MTAP: variants seen among roughly 807,000 people sequenced by gnomAD.
The protein encoded by MTAP is S-methyl-5'-thioadenosine phosphorylase.
MTAP carries 33 observed loss-of-function variants against 33.6 expected under a neutral mutation model. The ratio of observed to expected loss-of-function variants is 0.98; its 90% CI spans 0.74 to 1.31. The LOEUF (loss-of-function observed/expected upper bound fraction) is 1.31. MTAP is among the 40% of genes most tolerant of loss of function. The pLI, the probability that MTAP is intolerant of heterozygous loss-of-function variation, is 0.00. For missense variants in MTAP, 367 were observed against 360.0 expected, an observed-to-expected ratio of 1.02 and a Z score of -0.16; for synonymous variants, 148 against 125.7, an observed-to-expected ratio of 1.18 and a Z score of -1.19.
intron 4 of MTAP, among the ~76,000 whole-genome samples, chr9:21,831,996 T>G (rs1824979000): frequency 6.6e-6 from 1 of 152,240 alleles, no homozygotes; most frequent in Non-Finnish European, 1.5e-5. Context: ...AATTCTTTCC[T>G]GGCTGTGCCG....
intron 1 of MTAP, among the ~76,000 whole-genome samples, chr9:21,889,613 C>T (rs1047411445): frequency 1.6e-4 from 24 of 152,168 alleles, no homozygotes; most frequent in African/African-American, 4.3e-4. Context: ...CCCCACTTCC[C>T]CTAGGGATGG....
chr9:21,840,965 G>C (rs555501438), intron 5 of MTAP, among the ~76,000 whole-genome samples: 25 of 152,264 alleles, frequency 1.6e-4, no homozygotes, highest in African/African-American at 6.0e-4. Context: ...GCCTCTTGCT[G>C]CTGGCTCTCC....
At chr9:21,914,288 T>C (rs906803239) in intron 1 of MTAP, among the ~76,000 whole-genome samples, 2 of 152,128 alleles carry the variant, frequency 1.3e-5, no homozygotes, top group Admixed American at 6.5e-5. Flanking sequence ...TGGGTATATA[T>C]CCAAAGGATT....
intron 1 of MTAP, among the ~76,000 whole-genome samples, chr9:21,908,863 C>T (rs906892954): frequency 6.6e-6 from 1 of 151,806 alleles, no homozygotes; most frequent in Non-Finnish European, 1.5e-5. Context: ...TCTATTGTGT[C>T]ATTATTTTGA....
At chr9:21,918,623 A>G (rs527523362) in intron 1 of MTAP, among the ~76,000 whole-genome samples, 3 of 152,286 alleles carry the variant, frequency 2.0e-5, no homozygotes, top group South Asian at 4.1e-4. Context: ...TTTAGCCCCA[A>G]TAATCCCCAC....
intron 3 of MTAP, among the ~76,000 whole-genome samples, chr9:21,817,126 T>C (rs915793284): frequency 1.3e-5 from 2 of 152,202 alleles, no homozygotes; most frequent in African/African-American, 4.8e-5. Context: ...AGTAGTTATA[T>C]GTCTGTGGGA....
downstream of MTAP, chr9:21,941,002 A>T (rs1396112321): frequency 3.9e-5 from 38 of 985,166 alleles, no homozygotes; most frequent in Non-Finnish European, 4.3e-5. Flanking sequence ...TGGAGCAAAG[A>T]CCAAACATAT....
At chr9:21,875,628 G>T (rs1408589419) in intron 1 of MTAP, among the ~76,000 whole-genome samples, 4 of 152,052 alleles carry the variant, frequency 2.6e-5, no homozygotes, top group African/African-American at 9.7e-5. Flanking sequence ...CCACTTATAA[G>T]TGAAAACGTG....
intron 1 of MTAP, among the ~76,000 whole-genome samples, chr9:21,927,589 C>T (rs1818889554): frequency 6.6e-6 from 1 of 152,116 alleles, no homozygotes; most frequent in African/African-American, 2.4e-5. Context: ...ATATCAGCCC[C>T]TAGGTTATCT....
exon 8 of MTAP, chr9:21,936,711 CA>C (rs1819045544): frequency 6.6e-6 from 1 of 152,104 alleles, no homozygotes; most frequent in Non-Finnish European, 1.5e-5. Context: ...TAACCGTTCA[CA>C]ATTTCTTATT....
chr9:21,874,397 A>G (rs988351415), intron 1 of MTAP, among the ~76,000 whole-genome samples: 1 of 152,304 alleles, frequency 6.6e-6, no homozygotes, highest in East Asian at 1.9e-4. Context: ...CATGTTTTAC[A>G]TGTTGTTTAT....
intron 1 of MTAP, among the ~76,000 whole-genome samples, chr9:21,883,856 C>T (rs573285753): frequency 1.1e-4 from 16 of 152,020 alleles, no homozygotes; most frequent in Non-Finnish European, 1.5e-4. Context: ...CATACCCATA[C>T]ACACTAGCCC....
At chr9:21,921,455 T>C (rs1201866037) in intron 1 of MTAP, among the ~76,000 whole-genome samples, 2 of 152,232 alleles carry the variant, frequency 1.3e-5, no homozygotes, top group African/African-American at 4.8e-5. Context: ...TGTTCTCTTT[T>C]CTAGCTCCCT....
intron 1 of MTAP, among the ~76,000 whole-genome samples, chr9:21,918,526 C>T (rs1177460239): frequency 6.6e-6 from 1 of 151,846 alleles, no homozygotes; most frequent in South Asian, 2.1e-4. Flanking sequence ...AACCAAAAAC[C>T]ATCTGTACCC....
At chr9:21,842,225 AG>A (rs929194736) in intron 5 of MTAP, among the ~76,000 whole-genome samples, 5 of 152,106 alleles carry the variant, frequency 3.3e-5, no homozygotes, top group African/African-American at 7.2e-5. Flanking sequence ...ATCAAGACAA[AG>A]AAAAAGAATT....
chr9:21,865,583 G>C lies in MTAP; in HGVS notation c.*3569G>C. 1.0e-6 allele frequency: 1 copy of C among 985,908 alleles called. No individual in the cohort carries two copies. Among genetic ancestry groups the C allele is most frequent in the Non-Finnish European group, 1.2e-6 (1 of 830,016 alleles). 61.1% of individuals were successfully genotyped at this position (985,908 alleles called of 1,614,324 possible). On this transcript the variant is annotated 3_prime_UTR_variant, in exon 8 of 8. Transcript: ENST00000644715. ...CCTGTGTTCTCCTCATAATAGTATA[G>C]AATAATTCAAGATAGGCAAGAAGGA...
At chr9:21,819,850 G>C (rs1368470314) in intron 4 of MTAP, among the ~76,000 whole-genome samples, 1 of 152,146 alleles carries the variant, frequency 6.6e-6, no homozygotes, top group East Asian at 1.9e-4. Flanking sequence ...GTGTGAGATG[G>C]TATCTCATTG....
chr9:21,828,752 T>C (rs1040810988), intron 4 of MTAP, among the ~76,000 whole-genome samples: 14 of 152,202 alleles, frequency 9.2e-5, no homozygotes, highest in African/African-American at 3.1e-4. Flanking sequence ...TTATTTGGGG[T>C]GATAACGTTT....
intron 1 of MTAP, among the ~76,000 whole-genome samples, chr9:21,881,144 A>G (rs1294794705): frequency 6.6e-6 from 1 of 152,118 alleles, no homozygotes; most frequent in African/African-American, 2.4e-5. Flanking sequence ...GGGTGCCAAA[A>G]TCACTCAACA....
Sources: gnomAD v4.1 joint callset for allele counts (sites outside exome capture counted in the v4.1 genomes callset) on GRCh38, gnomAD v4.1.1 for gene constraint, MANE v1.5 for transcripts, NCBI Gene and HGNC (gene_info 2026-07-23, HGNC 2026-07-21) for gene names.